PPARG: variants seen among roughly 807,000 people sequenced by gnomAD.
The protein encoded by PPARG is peroxisome proliferator activated receptor gamma.
PPARG carries 17 observed loss-of-function variants against 39.2 expected under a neutral mutation model. The observed-to-expected ratio is 0.43, with a 90% confidence interval of 0.30 to 0.65. The LOEUF (loss-of-function observed/expected upper bound fraction) is 0.65, where lower values mean the gene tolerates loss of function less well. Ranked by LOEUF, PPARG falls within the 30% of genes least tolerant of loss-of-function variation. PPARG has a pLI of 0.13. For synonymous variants in PPARG, 223 were observed against 215.7 expected (o/e 1.03, Z -0.30); for missense variants, 406 against 585.9 (o/e 0.69, Z 3.17).
intron 2 of PPARG, among the ~76,000 whole-genome samples, chr3:12,373,303 G>C (rs2049286806): frequency 6.6e-6 from 1 of 152,144 alleles, no homozygotes; most frequent in Non-Finnish European, 1.5e-5. Flanking sequence ...AGAAGGGCAG[G>C]GGGGAAGGGG....
intron 2 of PPARG, among the ~76,000 whole-genome samples, chr3:12,312,682 A>T (rs2047280670): frequency 6.6e-6 from 1 of 152,184 alleles, no homozygotes. Context: ...TTGAGAAATA[A>T]CTCAAATCCT....
At chr3:12,368,160 A>G (rs1212283970) in intron 2 of PPARG, among the ~76,000 whole-genome samples, 1 of 150,878 alleles carries the variant, frequency 6.6e-6, no homozygotes. Context: ...TTAATTTCTA[A>G]TAGTTTTCAT....
intron 2 of PPARG, among the ~76,000 whole-genome samples, chr3:12,360,960 T>C (rs1452080676): frequency 5.3e-5 from 8 of 152,184 alleles, no homozygotes; most frequent in African/African-American, 1.7e-4. Flanking sequence ...ATAGAGTATG[T>C]TGAGCTTCAG....
intron 2 of PPARG, among the ~76,000 whole-genome samples, chr3:12,319,623 A>G (rs2047482759): frequency 6.6e-6 from 1 of 152,150 alleles, no homozygotes; most frequent in Non-Finnish European, 1.5e-5. Context: ...TGATAATTAC[A>G]TACAATAGTA....
At chr3:12,388,641 A>G (rs928679479) in intron 4 of PPARG, among the ~76,000 whole-genome samples, 4 of 152,206 alleles carry the variant, frequency 2.6e-5, no homozygotes, top group Non-Finnish European at 4.4e-5. Context: ...AGCATGTGAG[A>G]AGCTAACCAT....
intron 2 of PPARG, among the ~76,000 whole-genome samples, chr3:12,366,978 C>T (rs1415435748): frequency 6.6e-6 from 1 of 152,102 alleles, no homozygotes; most frequent in Non-Finnish European, 1.5e-5. Flanking sequence ...GGTATAATTT[C>T]TTCCTTAAAT....
At chr3:12,320,240 G>A (rs1481752536) in intron 2 of PPARG, among the ~76,000 whole-genome samples, 2 of 152,158 alleles carry the variant, frequency 1.3e-5, no homozygotes, top group Admixed American at 6.5e-5. Context: ...ATGTATGTAT[G>A]TATGCATGTA....
At chr3:12,417,286 C>T (rs2125285796) in intron 7 of PPARG, 132 bp downstream of exon 7, 3 of 930,566 alleles carry the variant, frequency 3.2e-6, no homozygotes, top group East Asian at 2.6e-5. Flanking sequence ...CATGAATCAT[C>T]ACTACACGTG....
At chr3:12,383,925 A>G (rs2049776313) in intron 4 of PPARG, among the ~76,000 whole-genome samples, 1 of 152,118 alleles carries the variant, frequency 6.6e-6, no homozygotes, top group African/African-American at 2.4e-5. Context: ...GGGAGAAAAA[A>G]TACTTAATAA....
intron 4 of PPARG, among the ~76,000 whole-genome samples, chr3:12,385,052 C>T (rs760883441): frequency 6.6e-6 from 1 of 152,120 alleles, no homozygotes; most frequent in Admixed American, 6.6e-5. Flanking sequence ...AATACTGCTG[C>T]ATTAGACCAG....
At chr3:12,385,556 T>C (rs901882731) in intron 4 of PPARG, among the ~76,000 whole-genome samples, 7 of 152,206 alleles carry the variant, frequency 4.6e-5, no homozygotes, top group African/African-American at 1.4e-4. Context: ...TATATTTTTT[T>C]CTTTGGTAAG....
At chr3:12,424,387 C>T (rs558312136) in intron 7 of PPARG, among the ~76,000 whole-genome samples, 5 of 152,334 alleles carry the variant, frequency 3.3e-5, no homozygotes, top group Non-Finnish European at 7.3e-5. Context: ...AGTGAGCGAG[C>T]AAGCAATTGG....
chr3:12,351,515 C>A, intron 2 of PPARG: 1 of 1,140,962 alleles, frequency 8.8e-7, no homozygotes, highest in Non-Finnish European at 1.3e-6. Flanking sequence ...AAGTCTTTTT[C>A]TTTTAACGGA....
At chr3:12,324,174 G>T (rs2047626740) in intron 2 of PPARG, among the ~76,000 whole-genome samples, 1 of 152,088 alleles carries the variant, frequency 6.6e-6, no homozygotes, top group Non-Finnish European at 1.5e-5. Context: ...CGTTACTTGG[G>T]AGGCTGAGGC....
At chr3:12,381,594 A>T (rs1003830216) in intron 4 of PPARG, 103 bp downstream of exon 4, 1 of 1,204,110 alleles carries the variant, frequency 8.3e-7, no homozygotes, top group Non-Finnish European at 1.2e-6. Flanking sequence ...TTTTTTCTTC[A>T]TGGAAGAGTA....
At chr3:12,304,425 A>C (rs2047006150) in intron 1 of PPARG, among the ~76,000 whole-genome samples, 1 of 152,214 alleles carries the variant, frequency 6.6e-6, no homozygotes, top group African/African-American at 2.4e-5. Flanking sequence ...CTCCTATAGG[A>C]GTGATAGCCT....
intron 2 of PPARG, among the ~76,000 whole-genome samples, chr3:12,343,130 G>T (rs1005866133): frequency 1.4e-5 from 2 of 144,456 alleles, no homozygotes; most frequent in African/African-American, 5.9e-5. Context: ...TGGCTCCCCT[G>T]TGTTGATCTA....
intron 2 of PPARG, among the ~76,000 whole-genome samples, chr3:12,318,673 A>C (rs1003865424): frequency 6.6e-6 from 1 of 152,150 alleles, no homozygotes; most frequent in African/African-American, 2.4e-5. Flanking sequence ...CTTTGCCTCA[A>C]ATAAATAAAG....
chr3:12,307,407 C>A (rs1484014433), intron 1 of PPARG, among the ~76,000 whole-genome samples: 1 of 152,090 alleles, frequency 6.6e-6, no homozygotes, highest in African/African-American at 2.4e-5. Context: ...TCCCAACCCA[C>A]CAAAGAGAAT....
Sources: allele counts gnomAD v4.1 joint callset (sites outside exome capture counted in the v4.1 genomes callset), GRCh38; gene constraint gnomAD v4.1.1; transcripts MANE v1.5; gene names NCBI Gene and HGNC (gene_info 2026-07-23, HGNC 2026-07-21).